Variants in SLC36A1 observed in about 807,000 individuals in gnomAD.
The protein encoded by SLC36A1 is proton-coupled amino acid transporter 1.
SLC36A1 carries 30 observed loss-of-function variants against 47.5 expected under a neutral mutation model. The observed-to-expected ratio is 0.63, with a 90% CI of 0.47 to 0.86. The LOEUF is 0.86. SLC36A1 is among the 40% of genes least tolerant of loss of function. SLC36A1 has a pLI of 0.00. For missense variants in SLC36A1, 517 were observed against 606.0 expected, an observed-to-expected ratio of 0.85 and a Z score of 1.54; for synonymous variants, 255 against 249.7, an observed-to-expected ratio of 1.02 and a Z score of -0.20.
intron 10 of SLC36A1, among the ~76,000 whole-genome samples, chr5:151,485,418 A>G (rs1353553890): frequency 2.0e-5 from 3 of 152,324 alleles, no homozygotes; most frequent in East Asian, 1.9e-4. Flanking sequence ...CAAAGCAGAA[A>G]GAGGTCAGGG....
At chr5:151,459,637 A>C (rs1278616280) in intron 2 of SLC36A1, 1 of 152,244 alleles carries the variant, frequency 6.6e-6, no homozygotes, top group Admixed American at 6.5e-5. Flanking sequence ...TCCTGATTTC[A>C]GCAGACCTCT....
At chr5:151,351,513 G>A in the SLC36A1 span, among the ~76,000 whole-genome samples, 1 of 152,092 alleles carries the variant, frequency 6.6e-6, no homozygotes, top group African/African-American at 2.4e-5. Flanking sequence ...GATGAGGAGC[G>A]GTCAGTGGCA....
At chr5:151,433,457 T>G (rs79463819), upstream of SLC36A1, among the ~76,000 whole-genome samples, 38,389 of 146,474 alleles carry the variant, frequency 0.26, 5,271 homozygotes, top group Admixed American at 0.32. Flanking sequence ...CTGTTTTTTT[T>G]TGTGTGTGTT....
the SLC36A1 span, chr5:151,347,527 G>A: frequency 3.1e-6 from 5 of 1,591,508 alleles, no homozygotes; most frequent in South Asian, 3.3e-5. Context: ...GAAGCAGGAA[G>A]GTGTCTAGTG....
At chr5:151,478,686 G>A (rs966644239) in intron 9 of SLC36A1, among the ~76,000 whole-genome samples, 4 of 152,142 alleles carry the variant, frequency 2.6e-5, no homozygotes, top group Admixed American at 6.5e-5. Context: ...TCCACCCCGC[G>A]CCCTCCACTC....
chr5:151,493,211 A>T (rs541164315), downstream of SLC36A1, among the ~76,000 whole-genome samples: 3 of 152,102 alleles, frequency 2.0e-5, no homozygotes, highest in Admixed American at 1.3e-4. Flanking sequence ...TTATTCTCTC[A>T]CTCAATACAT....
the SLC36A1 span, chr5:151,531,476 G>T: frequency 7.2e-7 from 1 of 1,397,804 alleles, no homozygotes; most frequent in Non-Finnish European, 9.7e-7. The surrounding 1 kb of genome is among the most constrained non-coding windows in gnomAD (Gnocchi z 5.7). Context: ...GACCAGAGGA[G>T]GTCTGCTCTG....
chr5:151,525,116 GGACT>G, the SLC36A1 span, among the ~76,000 whole-genome samples: 1 of 152,158 alleles, frequency 6.6e-6, no homozygotes, highest in East Asian at 1.9e-4. Flanking sequence ...GTCGAGAGAT[GGACT>G]GACTGACTGA....
chr5:151,428,029 C>A, the SLC36A1 span, among the ~76,000 whole-genome samples: 1 of 152,158 alleles, frequency 6.6e-6, no homozygotes, highest in African/African-American at 2.4e-5. Flanking sequence ...GTGCTCCTGA[C>A]CCCGGTCCCC....
the SLC36A1 span, chr5:151,534,391 A>C: frequency 1.3e-6 from 2 of 1,582,866 alleles, no homozygotes; most frequent in African/African-American, 2.7e-5. Context: ...AAATGGCCTC[A>C]ATCCTTCTCA....
the SLC36A1 span, among the ~76,000 whole-genome samples, chr5:151,552,446 A>T: frequency 6.6e-6 from 1 of 152,242 alleles, no homozygotes; most frequent in Non-Finnish European, 1.5e-5. Context: ...TAGCCAGGAC[A>T]GAAAACTGTA....
the SLC36A1 span, among the ~76,000 whole-genome samples, chr5:151,404,297 T>A: frequency 6.6e-6 from 1 of 152,216 alleles, no homozygotes; most frequent in Non-Finnish European, 1.5e-5. Context: ...ACTTTGAGCC[T>A]ATGGGTGTCC....
At chr5:151,500,774 A>T in the SLC36A1 span, among the ~76,000 whole-genome samples, 1 of 152,218 alleles carries the variant, frequency 6.6e-6, no homozygotes, top group East Asian at 1.9e-4. Context: ...GTGGTGGCTG[A>T]TGGTAGTGAC....
chr5:151,445,995 T>C (rs934850045), upstream of SLC36A1, among the ~76,000 whole-genome samples: 10 of 152,126 alleles, frequency 6.6e-5, no homozygotes, highest in African/African-American at 2.4e-4. Flanking sequence ...CTGCTCTTTC[T>C]TTTCTTCTTT....
At chr5:151,424,454 AG>A in the SLC36A1 span, among the ~76,000 whole-genome samples, 11 of 152,356 alleles carry the variant, frequency 7.2e-5, no homozygotes, top group Middle Eastern at 3.4e-3. Flanking sequence ...CCAAGTCAAA[AG>A]GGAAGAAAAG....
At chr5:151,353,320 G>C in the SLC36A1 span, among the ~76,000 whole-genome samples, 1 of 152,178 alleles carries the variant, frequency 6.6e-6, no homozygotes, top group East Asian at 1.9e-4. Context: ...CTATGTTTAG[G>C]ACAGAACCAG....
At chr5:151,505,411 G>C in the SLC36A1 span, 2 of 867,092 alleles carry the variant, frequency 2.3e-6, no homozygotes, top group Non-Finnish European at 3.6e-6. Context: ...ACTAGGTGGG[G>C]GATTGGAAGA....
chr5:151,506,256 A>G, the SLC36A1 span, among the ~76,000 whole-genome samples: 1 of 152,248 alleles, frequency 6.6e-6, no homozygotes, highest in Non-Finnish European at 1.5e-5. Context: ...CGTTGATAAC[A>G]TAGAATCCAA....
rs1322304990 is a variant in SLC36A1, at chr5:151,490,576, A to T, written c.*2322A>T. 6.6e-6 allele frequency: 1 copy of T among 152,274 alleles called. No homozygotes were observed. The highest frequency in any genetic ancestry group is 1.5e-5 in the Non-Finnish European group (1 of 68,116). The allele number at this position is 152,274 out of a possible 1,614,324, so 9.4% of individuals were successfully genotyped here. On this transcript the variant is annotated 3_prime_UTR_variant, in exon 11 of 11. Transcript: ENST00000243389. ...CCCAGCTCTTAGCAGGATGCAGGCTATTGCTTCCACACCCCTGGCCGTGAG... is the reference window on the plus strand; with the variant it reads ...CCCAGCTCTTAGCAGGATGCAGGCTTTTGCTTCCACACCCCTGGCCGTGAG...
Sources: gnomAD v4.1 joint callset for allele counts (sites outside exome capture counted in the v4.1 genomes callset) on GRCh38, gnomAD v4.1.1 for gene constraint, Gnocchi (gnomAD v3.1) non-coding constraint, MANE v1.5 for transcripts, NCBI Gene and HGNC (gene_info 2026-07-23, HGNC 2026-07-21) for gene names.